The following CPM variants were observed in gnomAD, a reference collection of about 807,000 sequenced individuals.
CPM encodes carboxypeptidase M.
In CPM, 35 loss-of-function variants were observed where a neutral mutation model predicts 46.4. The observed-to-expected ratio is 0.75, with a 90% CI of 0.58 to 1.00. The LOEUF (loss-of-function observed/expected upper bound fraction) is 1.00, where lower values mean the gene tolerates loss of function less well. CPM is among the 50% of genes least tolerant of loss of function. CPM has a pLI of 0.00. For synonymous variants in CPM, 195 were observed against 195.3 expected (o/e 1.00, Z 0.01); for missense variants, 422 against 530.4 (o/e 0.80, Z 2.01).
intron 1 of CPM, among the ~76,000 whole-genome samples, chr12:68,958,074 C>A (rs1426260768): frequency 1.3e-5 from 2 of 152,194 alleles, no homozygotes; most frequent in African/African-American, 4.8e-5. Flanking sequence ...GCCACATTTT[C>A]TTAATCCAGT....
chr12:68,913,918 TAC>T (rs1449763236), intron 2 of CPM: 18 of 716,172 alleles, frequency 2.5e-5, no homozygotes, highest in Non-Finnish European at 4.5e-5. Context: ...CAAAAGAATT[TAC>T]AGTCACATGA....
chr12:68,956,714 C>T (rs1889024668), intron 1 of CPM, among the ~76,000 whole-genome samples: 1 of 152,230 alleles, frequency 6.6e-6, no homozygotes, highest in African/African-American at 2.4e-5. Flanking sequence ...TTAGAACCTT[C>T]CTTCCCACTC....
intron 2 of CPM, among the ~76,000 whole-genome samples, chr12:68,900,840 T>C (rs932352738): frequency 2.6e-5 from 4 of 152,056 alleles, no homozygotes; most frequent in African/African-American, 9.7e-5. Flanking sequence ...ATGGAGACAA[T>C]AAAAAGATCA....
downstream of CPM, chr12:68,847,888 G>C (rs539965210): frequency 1.3e-5 from 2 of 152,384 alleles, no homozygotes; most frequent in African/African-American, 4.8e-5. Flanking sequence ...TCCTGGGCCA[G>C]GCTCTGTGAC....
intron 2 of CPM, among the ~76,000 whole-genome samples, chr12:68,924,159 A>C (rs1211349414): frequency 2.6e-5 from 4 of 151,812 alleles, no homozygotes; most frequent in Admixed American, 6.6e-5. Flanking sequence ...TAAAAAAAAA[A>C]AAAAAAAAAA....
chr12:68,870,169 C>G, intron 5 of CPM, 46 bp downstream of exon 5: 1 of 1,567,050 alleles, frequency 6.4e-7, no homozygotes, highest in South Asian at 1.2e-5. Flanking sequence ...AGTTTTCAGC[C>G]CCACTCTGGA....
intron 2 of CPM, among the ~76,000 whole-genome samples, chr12:68,914,376 G>T (rs539961456): frequency 6.6e-6 from 1 of 151,972 alleles, no homozygotes; most frequent in Non-Finnish European, 1.5e-5. Context: ...GCCTAGCACA[G>T]TGCATGGCAC....
intron 3 of CPM, among the ~76,000 whole-genome samples, chr12:68,882,048 A>G (rs1250503268): frequency 1.0e-5 from 1 of 98,278 alleles, no homozygotes; most frequent in Non-Finnish European, 2.2e-5. Context: ...TTTTTTTTTA[A>G]CATTTATTTT....
intron 2 of CPM, among the ~76,000 whole-genome samples, chr12:68,927,840 C>T (rs1176554841): frequency 6.6e-6 from 1 of 152,100 alleles, no homozygotes; most frequent in Non-Finnish European, 1.5e-5. Flanking sequence ...TCAAGGAGAA[C>T]TACAAACCAC....
At chr12:68,856,757 TCA>T in intron 8 of CPM, 78 bp from the exon 9 acceptor site, 1 of 1,542,334 alleles carries the variant, frequency 6.5e-7, no homozygotes. Context: ...CTGATATCCA[TCA>T]CTAAAATGCA....
chr12:68,875,243 C>T (rs1007150112), intron 3 of CPM, among the ~76,000 whole-genome samples: 2 of 151,582 alleles, frequency 1.3e-5, no homozygotes, highest in African/African-American at 4.9e-5. Context: ...CCCAGCTACT[C>T]GGGAGGCTGA....
At chr12:68,900,185 T>C (rs959925169) in intron 2 of CPM, among the ~76,000 whole-genome samples, 2 of 151,422 alleles carry the variant, frequency 1.3e-5, no homozygotes, top group African/African-American at 4.9e-5. Flanking sequence ...AATAAGAAAA[T>C]AAACAACTCA....
At chr12:68,905,671 T>C (rs555135164) in intron 2 of CPM, among the ~76,000 whole-genome samples, 1 of 152,262 alleles carries the variant, frequency 6.6e-6, no homozygotes, top group Non-Finnish European at 1.5e-5. Flanking sequence ...TATAGCCTTG[T>C]TTCTTGGTGA....
chr12:68,907,794 C>T (rs1459634110), intron 2 of CPM, among the ~76,000 whole-genome samples: 1 of 152,038 alleles, frequency 6.6e-6, no homozygotes, highest in Admixed American at 6.6e-5. Flanking sequence ...AATGAAAATT[C>T]ATCATTAATC....
intron 5 of CPM, chr12:68,843,072 CT>C (rs1883931833): frequency 4.5e-6 from 1 of 220,484 alleles, no homozygotes; most frequent in African/African-American, 2.2e-5. Context: ...ATCTCAGTGC[CT>C]TTTGCAATTT....
intron 1 of CPM, 108 bp downstream of exon 1, chr12:68,933,033 CG>C: frequency 1.9e-6 from 1 of 523,698 alleles, no homozygotes; most frequent in South Asian, 2.5e-5. Context: ...CGGGCAGCCT[CG>C]GTGCCCTCGA....
upstream of CPM, among the ~76,000 whole-genome samples, chr12:68,933,968 T>C (rs1458713340): frequency 2.0e-5 from 3 of 152,244 alleles, no homozygotes; most frequent in South Asian, 4.2e-4. Context: ...CCTAAAATGC[T>C]CCTTTCTGGA....
chr12:68,861,330 C>T (rs1248987975), intron 7 of CPM, among the ~76,000 whole-genome samples: 3 of 152,174 alleles, frequency 2.0e-5, no homozygotes, highest in Non-Finnish European at 1.5e-5. Context: ...ATATTATTTC[C>T]TTTTCCAGGG....
At chr12:68,921,514 C>G (rs1429748762) in intron 2 of CPM, among the ~76,000 whole-genome samples, 2 of 152,042 alleles carry the variant, frequency 1.3e-5, no homozygotes, top group African/African-American at 4.8e-5. Flanking sequence ...TTTCTTATTA[C>G]ATGTTTGGTC....
Sources: allele counts gnomAD v4.1 joint callset (sites outside exome capture counted in the v4.1 genomes callset), GRCh38; gene constraint gnomAD v4.1.1; transcripts MANE v1.5; gene names NCBI Gene and HGNC (gene_info 2026-07-23, HGNC 2026-07-21).